CLDN10: variants seen among roughly 807,000 people sequenced by gnomAD.
CLDN10 encodes the protein claudin-10.
CLDN10 carries 15 observed loss-of-function variants against 22.9 expected under a neutral mutation model. That is an observed-to-expected ratio of 0.65 (90% confidence interval 0.44 to 1.01). The LOEUF (loss-of-function observed/expected upper bound fraction) is 1.01. CLDN10 is among the 50% of genes least tolerant of loss of function. The pLI, the probability that CLDN10 is intolerant of heterozygous loss-of-function variation, is 0.00. For missense variants in CLDN10, 247 were observed against 287.8 expected (o/e 0.86, Z 1.03); for synonymous variants, 114 against 111.4 (o/e 1.02, Z -0.15).
chr13:95,451,037 G>T (rs183076279), intron 1 of CLDN10, among the ~76,000 whole-genome samples: 29 of 152,320 alleles, frequency 1.9e-4, no homozygotes, highest in African/African-American at 7.0e-4. Context: ...ACTACACAGA[G>T]CTTGGAGAAG....
At chr13:95,449,885 A>G (rs1215884046) in intron 1 of CLDN10, among the ~76,000 whole-genome samples, 1 of 151,982 alleles carries the variant, frequency 6.6e-6, no homozygotes, top group Non-Finnish European at 1.5e-5. Flanking sequence ...CTGGGACTAC[A>G]GGCGCCCGCC....
At chr13:95,513,492 TC>T (rs2043127612) in intron 1 of CLDN10, among the ~76,000 whole-genome samples, 1 of 152,188 alleles carries the variant, frequency 6.6e-6, no homozygotes, top group Admixed American at 6.6e-5. Context: ...AACAAACGCT[TC>T]CAGCCCTTTC....
At chr13:95,442,512 G>T (rs1287404270) in intron 1 of CLDN10, among the ~76,000 whole-genome samples, 1 of 152,184 alleles carries the variant, frequency 6.6e-6, no homozygotes, top group East Asian at 1.9e-4. Flanking sequence ...CTTGCATTTC[G>T]ATGTCAGTTA....
intron 1 of CLDN10, among the ~76,000 whole-genome samples, chr13:95,527,359 AACAAAT>A (rs1341915424): frequency 6.6e-6 from 1 of 152,246 alleles, no homozygotes; most frequent in Non-Finnish European, 1.5e-5. Flanking sequence ...TTCATGAGGA[AACAAAT>A]ACAAATGTGT....
chr13:95,468,706 A>G (rs2042602120), intron 1 of CLDN10, among the ~76,000 whole-genome samples: 1 of 152,118 alleles, frequency 6.6e-6, no homozygotes, highest in African/African-American at 2.4e-5. Context: ...ACCCTGGGTG[A>G]CAGAGTGAGA....
intron 1 of CLDN10, among the ~76,000 whole-genome samples, chr13:95,557,109 T>G (rs2043649390): frequency 6.6e-6 from 1 of 152,244 alleles, no homozygotes; most frequent in Non-Finnish European, 1.5e-5. Context: ...CTATTTTTGC[T>G]AGTGGGAATG....
intron 1 of CLDN10, among the ~76,000 whole-genome samples, chr13:95,488,506 C>T (rs1048267537): frequency 2.0e-5 from 2 of 101,908 alleles, no homozygotes; most frequent in Middle Eastern, 5.7e-3. Flanking sequence ...AGTCTTTTAT[C>T]CCTTGCCCCC....
chr13:95,533,268 A>G (rs2043365653), intron 1 of CLDN10, among the ~76,000 whole-genome samples: 1 of 151,726 alleles, frequency 6.6e-6, no homozygotes, highest in African/African-American at 2.4e-5. Context: ...AGAGAGACAG[A>G]GCGAGAGAGC....
chr13:95,443,496 T>C (rs2042343837), intron 1 of CLDN10, among the ~76,000 whole-genome samples: 1 of 151,828 alleles, frequency 6.6e-6, no homozygotes, highest in Non-Finnish European at 1.5e-5. Flanking sequence ...GCGGGAGACA[T>C]GGCATGGCAC....
In CLDN10 at chr13:95,578,282, T is replaced by G. The variant is rs1378562436; in HGVS notation, c.*268T>G. ...CATTTATATAGAACATGAAAAGCATTTAGTACCAAAGGTTCAAGAAGTATT... is the reference window on the plus strand; with the variant it reads ...CATTTATATAGAACATGAAAAGCATGTAGTACCAAAGGTTCAAGAAGTATT... On this transcript the variant is annotated 3_prime_UTR_variant, in exon 5 of 5. Transcript: ENST00000299339. The G allele has an allele frequency of 7.8e-6, 2 of 254,888 alleles. No individual in the cohort carries two copies. The highest frequency in any genetic ancestry group is 1.5e-5 in the Non-Finnish European group (2 of 133,326). 15.8% of individuals were successfully genotyped at this position (254,888 alleles called of 1,614,324 possible).
chr13:95,533,365 T>G (rs1400057268), intron 1 of CLDN10, among the ~76,000 whole-genome samples: 1 of 152,098 alleles, frequency 6.6e-6, no homozygotes, highest in East Asian at 1.9e-4. Context: ...TGCTATATAT[T>G]TTATAAAGTT....
intron 1 of CLDN10, among the ~76,000 whole-genome samples, chr13:95,559,180 A>G (rs1414029618): frequency 1.3e-5 from 2 of 152,200 alleles, no homozygotes; most frequent in East Asian, 3.8e-4. Context: ...TGCTACTATC[A>G]CTATTTTAGA....
intron 1 of CLDN10, among the ~76,000 whole-genome samples, chr13:95,441,297 C>T (rs777891225): frequency 6.6e-6 from 1 of 152,090 alleles, no homozygotes; most frequent in Non-Finnish European, 1.5e-5. Context: ...GCTCTGTCTC[C>T]CAGGCTGGGG....
At chr13:95,518,780 T>C (rs544762879) in intron 1 of CLDN10, among the ~76,000 whole-genome samples, 3 of 151,844 alleles carry the variant, frequency 2.0e-5, no homozygotes, top group African/African-American at 7.2e-5. Context: ...TAAATAAATA[T>C]AAAAGAAGTC....
At chr13:95,483,925 G>C (rs543729675) in intron 1 of CLDN10, among the ~76,000 whole-genome samples, 1 of 152,042 alleles carries the variant, frequency 6.6e-6, no homozygotes, top group Non-Finnish European at 1.5e-5. Flanking sequence ...TGGAGCCCTC[G>C]GGATGGGATT....
intron 1 of CLDN10, among the ~76,000 whole-genome samples, chr13:95,437,262 C>A (rs1278179714): frequency 6.6e-6 from 1 of 152,204 alleles, no homozygotes; most frequent in East Asian, 1.9e-4. Context: ...AGGCCACCTT[C>A]AACTGTCATT....
chr13:95,572,612 CT>C (rs1029457020), intron 3 of CLDN10, among the ~76,000 whole-genome samples: 1 of 152,188 alleles, frequency 6.6e-6, no homozygotes, highest in African/African-American at 2.4e-5. Flanking sequence ...TGGACATTGA[CT>C]TGAACCACAT....
intron 1 of CLDN10, among the ~76,000 whole-genome samples, chr13:95,453,317 A>G (rs2042450098): frequency 6.6e-6 from 1 of 152,130 alleles, no homozygotes; most frequent in Non-Finnish European, 1.5e-5. Context: ...TGTCAGCAGG[A>G]CTGGGCTGGG....
intron 1 of CLDN10, among the ~76,000 whole-genome samples, chr13:95,443,656 C>T (rs2139068613): frequency 6.6e-6 from 1 of 152,256 alleles, no homozygotes; most frequent in East Asian, 1.9e-4. Flanking sequence ...TTTCAGCAGG[C>T]TTTGGAGTGT....
Sources: gnomAD v4.1 joint callset for allele counts (sites outside exome capture counted in the v4.1 genomes callset) on GRCh38, gnomAD v4.1.1 for gene constraint, MANE v1.5 for transcripts, NCBI Gene and HGNC (gene_info 2026-07-23, HGNC 2026-07-21) for gene names.